Variants in PCDHA4 observed in about 807,000 individuals in gnomAD.
The protein encoded by PCDHA4 is protocadherin alpha-4.
In PCDHA4, 49 loss-of-function variants were observed where a neutral mutation model predicts 61.4. That is an observed-to-expected ratio of 0.80 (90% CI 0.63 to 1.01). PCDHA4 has a LOEUF of 1.01. Ranked by LOEUF, PCDHA4 falls within the 50% of genes least tolerant of loss-of-function variation. The pLI is 0.00. For missense variants in PCDHA4, 1,254 were observed against 1,235.8 expected (o/e 1.01, Z -0.22); for synonymous variants, 590 against 550.3 (o/e 1.07, Z -1.01).
intron 1 of PCDHA4, among the ~76,000 whole-genome samples, chr5:140,958,215 T>G (rs1554223379): frequency 6.6e-6 from 1 of 152,132 alleles, no homozygotes; most frequent in Non-Finnish European, 1.5e-5. Context: ...GAATTAGATT[T>G]TAAAGGACTT....
chr5:140,917,152 G>A (rs1407958115), intron 1 of PCDHA4, among the ~76,000 whole-genome samples: 1 of 152,012 alleles, frequency 6.6e-6, no homozygotes, highest in Admixed American at 6.6e-5. Context: ...GCTGCTGGGG[G>A]ATATGGGAGG....
At chr5:140,871,552 AGT>A in intron 1 of PCDHA4, 1 of 1,493,376 alleles carries the variant, frequency 6.7e-7, no homozygotes, top group Non-Finnish European at 8.9e-7. Context: ...TTTAAAATCC[AGT>A]TTTTTTTCAC....
At chr5:140,823,768 C>T (rs1434729447) in intron 1 of PCDHA4, 8 of 1,613,736 alleles carry the variant, frequency 5.0e-6, no homozygotes, top group Non-Finnish European at 6.8e-6. Context: ...AGCCACAGTG[C>T]TGGTGTCGCT....
chr5:140,841,274 C>G, intron 1 of PCDHA4: 28 of 1,518,248 alleles, frequency 1.8e-5, no homozygotes, highest in Non-Finnish European at 1.7e-5. Flanking sequence ...TACAGTCGTT[C>G]ATCTTTATAT....
chr5:140,911,729 C>G (rs571299791), intron 1 of PCDHA4, among the ~76,000 whole-genome samples: 1 of 152,134 alleles, frequency 6.6e-6, no homozygotes, highest in Non-Finnish European at 1.5e-5. Flanking sequence ...GTAAACAGTT[C>G]GTGCCAAGGA....
At chr5:140,984,945 C>CA (rs1307962082) in intron 3 of PCDHA4, among the ~76,000 whole-genome samples, 2 of 149,212 alleles carry the variant, frequency 1.3e-5, no homozygotes, top group African/African-American at 4.9e-5. Flanking sequence ...AATGTCTAAT[C>CA]TTTTTTTTTT....
chr5:140,989,242 C>T (rs562894633), intron 3 of PCDHA4, among the ~76,000 whole-genome samples: 5 of 152,226 alleles, frequency 3.3e-5, no homozygotes, highest in African/African-American at 1.2e-4. Flanking sequence ...GTTTTAAGCC[C>T]CTTGTCAAAA....
intron 1 of PCDHA4, chr5:140,841,202 A>AT: frequency 7.6e-7 from 1 of 1,311,932 alleles, no homozygotes; most frequent in East Asian, 2.4e-5. Context: ...CTCTGACAGC[A>AT]TCTGTCTCTA....
intron 1 of PCDHA4, chr5:140,862,574 C>G (rs1338632403): frequency 4.1e-6 from 2 of 484,868 alleles, no homozygotes; most frequent in East Asian, 1.1e-4. Context: ...AATGCCCTGG[C>G]GTTCCAGCAG....
chr5:140,940,096 T>C (rs2153644801), intron 1 of PCDHA4, among the ~76,000 whole-genome samples: 1 of 152,378 alleles, frequency 6.6e-6, no homozygotes, highest in East Asian at 1.9e-4. Context: ...ATTGAAACTT[T>C]TAGCGTTATG....
chr5:140,891,604 C>T (rs1554184885), intron 1 of PCDHA4, among the ~76,000 whole-genome samples: 2 of 152,172 alleles, frequency 1.3e-5, no homozygotes, highest in African/African-American at 4.8e-5. Flanking sequence ...CCATCTATTT[C>T]TACCTTTTAT....
At chr5:140,897,467 C>T (rs1427386129) in intron 1 of PCDHA4, among the ~76,000 whole-genome samples, 11 of 151,912 alleles carry the variant, frequency 7.2e-5, no homozygotes, top group Non-Finnish European at 7.4e-5. Flanking sequence ...CGATAGTTTA[C>T]TGAGAATGAT....
chr5:140,829,126 T>C (rs1770118219), intron 1 of PCDHA4: 2 of 1,612,444 alleles, frequency 1.2e-6, no homozygotes, highest in African/African-American at 1.3e-5. Flanking sequence ...ATAAAAATGA[T>C]AACGTCCCTG....
chr5:140,911,672 C>G (rs1010402307), intron 1 of PCDHA4, among the ~76,000 whole-genome samples: 1 of 152,156 alleles, frequency 6.6e-6, no homozygotes, highest in Non-Finnish European at 1.5e-5. Context: ...TTGCCTCTCA[C>G]GAACCGTGCA....
intron 1 of PCDHA4, chr5:140,824,015 G>A (rs2150131495): frequency 5.0e-6 from 8 of 1,614,014 alleles, no homozygotes; most frequent in Non-Finnish European, 6.8e-6. Flanking sequence ...GTGGGGAGCT[G>A]GTCGTACTCG....
chr5:140,835,566 T>G, intron 1 of PCDHA4: 1 of 1,613,930 alleles, frequency 6.2e-7, no homozygotes, highest in African/African-American at 1.3e-5. Flanking sequence ...CCGCGTTCCC[T>G]TCAAGTTGGT....
At chr5:140,882,947 C>G in intron 1 of PCDHA4, 1 of 1,614,162 alleles carries the variant, frequency 6.2e-7, no homozygotes, top group Non-Finnish European at 8.5e-7. Context: ...TGGCACAGTT[C>G]AGCTGCTCAT....
chr5:140,854,867 G>T (rs2043248640), intron 1 of PCDHA4, among the ~76,000 whole-genome samples: 1 of 149,650 alleles, frequency 6.7e-6, no homozygotes, highest in East Asian at 1.9e-4. Context: ...ATATATTTCA[G>T]AACTGTGTCT....
chr5:140,999,217 A>G (rs2097851437), intron 3 of PCDHA4, among the ~76,000 whole-genome samples: 1 of 152,232 alleles, frequency 6.6e-6, no homozygotes, highest in Non-Finnish European at 1.5e-5. Context: ...TGGAAGTACT[A>G]CATTTGAGAA....
Sources: gnomAD v4.1 joint callset for allele counts (sites outside exome capture counted in the v4.1 genomes callset) on GRCh38, gnomAD v4.1.1 for gene constraint, MANE v1.5 for transcripts, NCBI Gene and HGNC (gene_info 2026-07-23, HGNC 2026-07-21) for gene names.